The following LBH variants were observed in gnomAD, a reference collection of about 807,000 sequenced individuals.
LBH encodes the protein protein LBH.
A neutral mutation model predicts 12.5 loss-of-function variants in LBH; 7 were observed. The observed-to-expected ratio is 0.56, with a 90% confidence interval of 0.32 to 1.05. The LOEUF is 1.05. LBH is among the 50% of genes least tolerant of loss of function. The probability of loss-of-function intolerance (pLI) is 0.04; values close to 1 mark genes in which losing one functional copy is unlikely to be tolerated. For synonymous variants in LBH, 51 were observed against 50.1 expected, an observed-to-expected ratio of 1.02 and a Z score of -0.08; for missense variants, 119 against 138.9, an observed-to-expected ratio of 0.86 and a Z score of 0.72.
chr2:30,232,436 AGGTTTGCCC>A (rs1168545346), intron 1 of LBH: 117 of 548,000 alleles, frequency 2.1e-4, no homozygotes, highest in Non-Finnish European at 3.3e-4. Flanking sequence ...GGGGCGTCGG[AGGTTTGCCC>A]CGGACTGGGG....
intron 2 of LBH, among the ~76,000 whole-genome samples, chr2:30,241,891 C>T (rs779073333): frequency 1.4e-4 from 21 of 152,172 alleles, no homozygotes; most frequent in Non-Finnish European, 2.6e-4. Flanking sequence ...TAGCCAAGAT[C>T]ACACGTTGCA....
intron 2 of LBH, among the ~76,000 whole-genome samples, chr2:30,236,337 G>A (rs1677688947): frequency 6.6e-6 from 1 of 152,200 alleles, no homozygotes; most frequent in Admixed American, 6.5e-5. Flanking sequence ...TGCAAGGGCA[G>A]CAGGAAAATA....
intron 2 of LBH, among the ~76,000 whole-genome samples, chr2:30,252,548 G>A (rs1572383698): frequency 6.6e-6 from 1 of 152,156 alleles, no homozygotes; most frequent in African/African-American, 2.4e-5. Flanking sequence ...TGTCGTCGAA[G>A]CTACTCAGGA....
At chr2:30,246,158 C>CA (rs142632847) in intron 2 of LBH, among the ~76,000 whole-genome samples, 1,727 of 152,072 alleles carry the variant, frequency 0.011, 32 homozygotes, top group African/African-American at 0.039. Context: ...GAGGTTTTGC[C>CA]ATGTTGGCCA....
In LBH at chr2:30,231,555, G is replaced by A. The variant is rs954909460; in HGVS notation, c.-184G>A. 6 of 624,754 alleles carry A rather than the reference G, an allele frequency of 9.6e-6. No homozygotes were observed. Among genetic ancestry groups the A allele is most frequent in the African/African-American group, 7.9e-5 (4 of 50,498 alleles). The allele number at this position is 624,754 out of a possible 1,614,324, so 38.7% of individuals were successfully genotyped here. A position where few individuals can be genotyped will look rare whatever the true frequency, so the allele number is the denominator to read the frequency against. On this transcript the variant is annotated 5_prime_UTR_variant, in exon 1 of 3. Transcript: ENST00000395323. ...TGGGGCTGAGTGCTCAGTGGAGAGC[G>A]GGGAGTTGTGTCCACCTTGCCGACG...
intron 2 of LBH, among the ~76,000 whole-genome samples, chr2:30,242,815 C>T (rs995370532): frequency 6.6e-6 from 1 of 152,140 alleles, no homozygotes; most frequent in African/African-American, 2.4e-5. Flanking sequence ...TAGGTTGTGG[C>T]ATATTATGTT....
Position 30,234,408 on chromosome 2 carries a change from C to CGACTATCTG in LBH, c.31_39dup (p.Asp11_Leu13dup). The CGACTATCTG allele has an allele frequency of 6.2e-7, 1 of 1,613,828 alleles. No homozygotes were observed. Among genetic ancestry groups the CGACTATCTG allele is most frequent in the Non-Finnish European group, 8.5e-7 (1 of 1,179,758 alleles). On this transcript the variant is annotated inframe_insertion, in exon 2 of 3. Transcript: ENST00000395323. ...TTTGGTCTGGGTTTCTTGGCAGCCCCGACTATCTGAGATCGGCCAAGATGA... is the reference window on the plus strand; with the variant it reads ...TTTGGTCTGGGTTTCTTGGCAGCCCCGACTATCTGGACTATCTGAGATCGGCCAAGATGA...
intron 2 of LBH, among the ~76,000 whole-genome samples, chr2:30,239,496 A>G (rs977422808): frequency 5.3e-5 from 8 of 152,216 alleles, no homozygotes; most frequent in African/African-American, 1.7e-4. Flanking sequence ...CGCAAGTCCC[A>G]TGGTCACCAG....
Sources: gnomAD v4.1 joint callset for allele counts (sites outside exome capture counted in the v4.1 genomes callset) on GRCh38, gnomAD v4.1.1 for gene constraint, MANE v1.5 for transcripts, NCBI Gene and HGNC (gene_info 2026-07-23, HGNC 2026-07-21) for gene names.